MAGI2: variants seen among roughly 807,000 people sequenced by gnomAD.
The protein encoded by MAGI2 is membrane-associated guanylate kinase, WW and PDZ domain-containing protein 2.
A neutral mutation model predicts 133.3 loss-of-function variants in MAGI2; 35 were observed. That is an observed-to-expected ratio of 0.26 (90% CI 0.20 to 0.35). The LOEUF (loss-of-function observed/expected upper bound fraction) is 0.35, where lower values mean the gene tolerates loss of function less well. MAGI2 is among the 10% of genes least tolerant of loss of function. MAGI2 has a pLI of 1.00. For synonymous variants in MAGI2, 729 were observed against 710.6 expected, an observed-to-expected ratio of 1.03 and a Z score of -0.41; for missense variants, 1,636 against 1,863.4, an observed-to-expected ratio of 0.88 and a Z score of 2.25.
At chr7:79,449,484 G>C (rs1849088618) in intron 1 of MAGI2, among the ~76,000 whole-genome samples, 3 of 152,090 alleles carry the variant, frequency 2.0e-5, no homozygotes, top group African/African-American at 7.2e-5. Context: ...GGCCACAAAG[G>C]CCTGTGTAAC....
chr7:78,565,389 C>T (rs1800841561), intron 3 of MAGI2, among the ~76,000 whole-genome samples: 1 of 151,114 alleles, frequency 6.6e-6, no homozygotes, highest in African/African-American at 2.4e-5. Context: ...CGTTTGAGCC[C>T]AAGATTTCGA....
At chr7:78,211,284 A>G (rs1331067004) in intron 10 of MAGI2, among the ~76,000 whole-genome samples, 1 of 152,200 alleles carries the variant, frequency 6.6e-6, no homozygotes, top group African/African-American at 2.4e-5. Context: ...GAATTCACTT[A>G]CAGTGGCAGA....
At chr7:79,309,641 GT>G (rs1384030238) in intron 1 of MAGI2, among the ~76,000 whole-genome samples, 2 of 151,874 alleles carry the variant, frequency 1.3e-5, no homozygotes, top group Non-Finnish European at 2.9e-5. Context: ...CTGTCTATAA[GT>G]ATTTAGCTTG....
chr7:79,440,885 G>A (rs971826056), intron 1 of MAGI2, among the ~76,000 whole-genome samples: 2 of 152,078 alleles, frequency 1.3e-5, no homozygotes, highest in African/African-American at 4.8e-5. Context: ...TCCACCTTTC[G>A]GCTAGCTCTC....
At chr7:78,650,805 T>A (rs142910508) in intron 2 of MAGI2, among the ~76,000 whole-genome samples, 309 of 152,278 alleles carry the variant, frequency 2.0e-3, no homozygotes, top group African/African-American at 6.9e-3. Flanking sequence ...GAAAATTAAG[T>A]GCTACTCGGC....
intron 1 of MAGI2, among the ~76,000 whole-genome samples, chr7:79,156,197 T>G (rs1303511715): frequency 6.6e-6 from 1 of 152,138 alleles, no homozygotes; most frequent in Non-Finnish European, 1.5e-5. Flanking sequence ...CTTTCCAATC[T>G]GATTCTGCCA....
At chr7:79,002,725 A>G (rs1032818752) in intron 2 of MAGI2, among the ~76,000 whole-genome samples, 1 of 151,990 alleles carries the variant, frequency 6.6e-6, no homozygotes, top group Admixed American at 6.6e-5. Flanking sequence ...AAACTGCACA[A>G]TTGTCTTCTT....
rs747230358 is a variant in MAGI2, at chr7:78,083,387, G to GGAGAGAGAGAGAGAGAGA, written c.3568-4320_3568-4303dup. ...GGGGGCGGGGGAGGGAGGGAGGGGG[G>GGAGAGAGAGAGAGAGAGA]GAGAGAGAGAGAGAGAGAGAGAGAG... On this transcript the variant is annotated intron_variant, in intron 20 of 21. Coordinates refer to ENST00000354212, the MANE Select transcript of MAGI2 (RefSeq NM_012301.4). 4.7e-3 allele frequency among the ~76,000 whole-genome samples: 156 copies of GGAGAGAGAGAGAGAGAGA among 33,290 alleles called. 4 individuals carry two copies. Among genetic ancestry groups the GGAGAGAGAGAGAGAGAGA allele is most frequent in the East Asian group, 0.012 (9 of 760 alleles). The allele number at this position is 33,290 out of a possible 152,430, so 21.8% of individuals were successfully genotyped here.
At chr7:78,092,969 T>G (rs1271444480) in intron 20 of MAGI2, among the ~76,000 whole-genome samples, 1 of 151,538 alleles carries the variant, frequency 6.6e-6, no homozygotes, top group African/African-American at 2.4e-5. Flanking sequence ...CCGTCTCTAC[T>G]AAAGAAATAC....
intron 2 of MAGI2, among the ~76,000 whole-genome samples, chr7:78,955,171 T>A (rs990817898): frequency 6.6e-6 from 1 of 152,152 alleles, no homozygotes; most frequent in Non-Finnish European, 1.5e-5. Context: ...GTATTTAGTA[T>A]CTTAATAAAT....
intron 6 of MAGI2, among the ~76,000 whole-genome samples, chr7:78,482,831 T>C (rs73374204): frequency 0.064 from 9,717 of 151,200 alleles, 769 homozygotes; most frequent in African/African-American, 0.19. Context: ...ATTTCTATTG[T>C]GGTCATACTT....
chr7:79,397,286 T>C (rs1192488024), intron 1 of MAGI2, among the ~76,000 whole-genome samples: 1 of 151,516 alleles, frequency 6.6e-6, no homozygotes, highest in Non-Finnish European at 1.5e-5. Flanking sequence ...GATTTGATTA[T>C]TTTTTCACAT....
intron 6 of MAGI2, among the ~76,000 whole-genome samples, chr7:78,399,418 G>C (rs1796645968): frequency 6.6e-6 from 1 of 152,188 alleles, no homozygotes; most frequent in South Asian, 2.1e-4. Context: ...GAACACAGTA[G>C]GATTTCATCT....
chr7:78,768,901 C>T (rs573602222), intron 2 of MAGI2, among the ~76,000 whole-genome samples: 1 of 152,190 alleles, frequency 6.6e-6, no homozygotes, highest in East Asian at 1.9e-4. Flanking sequence ...TCCTAAAATG[C>T]TATACAATAG....
chr7:78,865,625 C>T (rs748389624), intron 2 of MAGI2, among the ~76,000 whole-genome samples: 38 of 152,142 alleles, frequency 2.5e-4, no homozygotes, highest in Admixed American at 1.4e-3. Context: ...ATGTAATTGA[C>T]TGGGATATAG....
At chr7:78,268,803 T>C (rs561734283) in intron 9 of MAGI2, among the ~76,000 whole-genome samples, 17 of 152,324 alleles carry the variant, frequency 1.1e-4, no homozygotes, top group African/African-American at 4.1e-4. Flanking sequence ...TTTTTTATTA[T>C]ACTTTAAGTT....
At chr7:78,221,277 C>T (rs551574007) in intron 10 of MAGI2, among the ~76,000 whole-genome samples, 24 of 152,312 alleles carry the variant, frequency 1.6e-4, no homozygotes, top group African/African-American at 5.5e-4. Flanking sequence ...CCCCACATGG[C>T]AGACCCTTAG....
chr7:78,629,489 C>T (rs921649910), intron 2 of MAGI2, among the ~76,000 whole-genome samples: 16 of 152,212 alleles, frequency 1.1e-4, no homozygotes, highest in Non-Finnish European at 1.9e-4. Flanking sequence ...TTATTTGCCT[C>T]CCTAACTACT....
intron 1 of MAGI2, among the ~76,000 whole-genome samples, chr7:79,134,024 T>C (rs551335805): frequency 6.6e-6 from 1 of 152,302 alleles, no homozygotes; most frequent in African/African-American, 2.4e-5. Context: ...GTTTTTCTTA[T>C]TAGCCTAAGA....
Sources: allele counts gnomAD v4.1 joint callset (sites outside exome capture counted in the v4.1 genomes callset), GRCh38; gene constraint gnomAD v4.1.1; transcripts MANE v1.5; gene names NCBI Gene and HGNC (gene_info 2026-07-23, HGNC 2026-07-21).